Variants in CNTNAP2 observed in about 807,000 individuals in gnomAD.
CNTNAP2 encodes the protein contactin-associated protein-like 2.
A neutral mutation model predicts 155.2 loss-of-function variants in CNTNAP2; 98 were observed. The observed-to-expected ratio is 0.63, with a 90% CI of 0.54 to 0.75. The LOEUF is 0.75. Ranked by LOEUF, CNTNAP2 falls within the 30% of genes least tolerant of loss-of-function variation. CNTNAP2 has a pLI of 0.00. For missense variants in CNTNAP2, 1,727 were observed against 1,688.1 expected (o/e 1.02, Z -0.40); for synonymous variants, 651 against 631.2 (o/e 1.03, Z -0.47).
chr7:148,223,681 G>C (rs969560623), intron 19 of CNTNAP2, among the ~76,000 whole-genome samples: 3 of 152,108 alleles, frequency 2.0e-5, no homozygotes, highest in African/African-American at 4.8e-5. Flanking sequence ...CACCATTACT[G>C]TTTATAGATA....
rs140847910 is a variant in CNTNAP2, at chr7:147,718,270, C to T, written c.2098+78964C>T. On this transcript the variant is annotated intron_variant, in intron 13 of 23. Coordinates refer to ENST00000361727, the MANE Select transcript of CNTNAP2 (RefSeq NM_014141.6). ...AAAAGCTACACAGAACATTACTAAACTCCAGCTTTCATAGTCATTTGTATG... is the reference window on the plus strand; with the variant it reads ...AAAAGCTACACAGAACATTACTAAATTCCAGCTTTCATAGTCATTTGTATG... Among the ~76,000 whole-genome samples the T allele has an allele frequency of 6.9e-3, 1,043 of 152,178 alleles. 15 individuals are homozygous for T. Among genetic ancestry groups the T allele is most frequent in the African/African-American group, 0.024 (1,010 of 41,528 alleles).
At chr7:148,067,104 T>G (rs747919927) in intron 15 of CNTNAP2, among the ~76,000 whole-genome samples, 2 of 152,244 alleles carry the variant, frequency 1.3e-5, no homozygotes, top group African/African-American at 2.4e-5. Flanking sequence ...TTTCTGGCAA[T>G]TTGAAGATTT....
intron 16 of CNTNAP2, among the ~76,000 whole-genome samples, chr7:148,118,809 C>G (rs1804533745): frequency 1.3e-5 from 2 of 152,156 alleles, no homozygotes; most frequent in African/African-American, 4.8e-5. Context: ...TGCCCACCCT[C>G]TGCAAGTGAG....
At chr7:147,327,798 A>G (rs1238914833) in intron 9 of CNTNAP2, among the ~76,000 whole-genome samples, 3 of 152,224 alleles carry the variant, frequency 2.0e-5, no homozygotes, top group Non-Finnish European at 1.5e-5. Flanking sequence ...TGTCTCCACA[A>G]GAATACTTGA....
intron 8 of CNTNAP2, among the ~76,000 whole-genome samples, chr7:147,242,987 A>ATTTTTTTTTT (rs766917054): frequency 0.033 from 1,550 of 47,144 alleles, 471 homozygotes; most frequent in East Asian, 0.2. Flanking sequence ...TATGCTTTGC[A>ATTTTTTTTTT]TTTTTTTTTT....
rs10683190 is a variant in CNTNAP2, at chr7:147,448,484, G to GTATA, written c.1671-37433_1671-37430dup. Among the ~76,000 whole-genome samples the GTATA allele has an allele frequency of 3.6e-3, 523 of 143,402 alleles. 4 individuals are homozygous for GTATA. Among genetic ancestry groups the GTATA allele is most frequent in the Middle Eastern group, 0.015 (4 of 274 alleles). 94.1% of individuals were successfully genotyped at this position (143,402 alleles called of 152,430 possible). A position where few individuals can be genotyped will look rare whatever the true frequency, so the allele number is the denominator to read the frequency against. On this transcript the variant is annotated intron_variant, in intron 10 of 23. Coordinates refer to ENST00000361727, the MANE Select transcript of CNTNAP2 (RefSeq NM_014141.6). ...AAACAAACCAAATATGTGTGTGTGT[G>GTATA]TATATATATATATATATATATGCAC...
At chr7:148,367,707 A>T (rs1030421175) in intron 21 of CNTNAP2, among the ~76,000 whole-genome samples, 3 of 152,216 alleles carry the variant, frequency 2.0e-5, no homozygotes, top group Non-Finnish European at 4.4e-5. Context: ...TCATGATAAC[A>T]TATTTTAGAG....
chr7:146,789,960 A>G (rs1030844370), intron 2 of CNTNAP2, among the ~76,000 whole-genome samples: 2 of 151,464 alleles, frequency 1.3e-5, no homozygotes, highest in African/African-American at 4.9e-5. Flanking sequence ...AATAATAACA[A>G]TATCCCATTG....
chr7:148,062,240 GA>G (rs1006076514), intron 15 of CNTNAP2, among the ~76,000 whole-genome samples: 4 of 151,804 alleles, frequency 2.6e-5, no homozygotes, highest in African/African-American at 9.7e-5. Flanking sequence ...ATAATTAAAG[GA>G]AAAACCGGGT....
chr7:146,628,499 A>G (rs977836372), intron 1 of CNTNAP2, among the ~76,000 whole-genome samples: 3 of 152,170 alleles, frequency 2.0e-5, no homozygotes, highest in Non-Finnish European at 4.4e-5. Flanking sequence ...AGTATTGTCA[A>G]TACAAAAATA....
At chr7:147,538,670 CTT>C (rs1169794382) in intron 11 of CNTNAP2, among the ~76,000 whole-genome samples, 1 of 151,998 alleles carries the variant, frequency 6.6e-6, no homozygotes, top group Admixed American at 6.6e-5. Flanking sequence ...TCCCTCCTAT[CTT>C]TGAAATTTTC....
chr7:148,339,446 C>T (rs1452835181), intron 21 of CNTNAP2: 1 of 152,202 alleles, frequency 6.6e-6, no homozygotes. Flanking sequence ...TGCGTCCTCC[C>T]CTCACCTGCC....
chr7:147,962,533 A>G (rs979402313), intron 14 of CNTNAP2, among the ~76,000 whole-genome samples: 1 of 152,184 alleles, frequency 6.6e-6, no homozygotes, highest in East Asian at 1.9e-4. Context: ...TTGTGTTCCC[A>G]TCATATTAAG....
At chr7:146,817,792 A>G (rs1563244120) in intron 2 of CNTNAP2, among the ~76,000 whole-genome samples, 1 of 152,086 alleles carries the variant, frequency 6.6e-6, no homozygotes, top group South Asian at 2.1e-4. Context: ...CCATGATCCA[A>G]TCACCTCTCA....
At chr7:146,479,984 C>A (rs1796935802) in intron 1 of CNTNAP2, among the ~76,000 whole-genome samples, 2 of 151,952 alleles carry the variant, frequency 1.3e-5, no homozygotes, top group Admixed American at 1.3e-4. Flanking sequence ...GGGGTTTCAC[C>A]AGGTTGGCCA....
At chr7:147,753,200 A>T (rs770997301) in intron 13 of CNTNAP2, among the ~76,000 whole-genome samples, 19 of 152,226 alleles carry the variant, frequency 1.2e-4, no homozygotes, top group Non-Finnish European at 2.4e-4. Context: ...AGAGAAGAAG[A>T]CTGGCATAAT....
At chr7:146,940,126 T>A (rs1165013608) in intron 3 of CNTNAP2, among the ~76,000 whole-genome samples, 6 of 152,242 alleles carry the variant, frequency 3.9e-5, no homozygotes, top group African/African-American at 7.2e-5. Context: ...GCCTATTTTT[T>A]AAAATTTAAT....
intron 1 of CNTNAP2, among the ~76,000 whole-genome samples, chr7:146,229,551 T>C (rs802543): frequency 0.67 from 102,341 of 151,944 alleles, 36,135 homozygotes; most frequent in East Asian, 0.94. Context: ...CAGTAAAATG[T>C]ATCCATGAGT....
chr7:146,393,775 T>C lies in CNTNAP2; in HGVS notation c.97+276802T>C, dbSNP rs139585184. Reference sequence around the variant, plus strand: ...TTTTCCTGGTTAGCCTTATAGAAAATGTTTCTTTTTTTCTGGATGGTGAAT... The same window carrying C: ...TTTTCCTGGTTAGCCTTATAGAAAACGTTTCTTTTTTTCTGGATGGTGAAT... On this transcript the variant is annotated intron_variant, in intron 1 of 23. Transcript: ENST00000361727. 3.4e-3 allele frequency among the ~76,000 whole-genome samples: 515 copies of C among 152,018 alleles called. 1 individual carries two copies. The highest frequency in any genetic ancestry group is 5.1e-3 in the Non-Finnish European group (344 of 67,958).
Sources: gnomAD v4.1 joint callset for allele counts (sites outside exome capture counted in the v4.1 genomes callset) on GRCh38, gnomAD v4.1.1 for gene constraint, MANE v1.5 for transcripts, NCBI Gene and HGNC (gene_info 2026-07-23, HGNC 2026-07-21) for gene names.